MACROD2: variants seen among roughly 807,000 people sequenced by gnomAD.
The protein encoded by MACROD2 is mono-ADP ribosylhydrolase 2.
MACROD2 carries 36 observed loss-of-function variants against 70.4 expected under a neutral mutation model. The ratio of observed to expected loss-of-function variants is 0.51; its 90% CI spans 0.39 to 0.68. MACROD2 has a LOEUF of 0.68. MACROD2 is among the 30% of genes least tolerant of loss of function. MACROD2 has a pLI of 0.00. For synonymous variants in MACROD2, 172 were observed against 178.8 expected, an observed-to-expected ratio of 0.96 and a Z score of 0.30; for missense variants, 496 against 538.4, an observed-to-expected ratio of 0.92 and a Z score of 0.78.
At chr20:14,206,602 A>G (rs1009787637) in intron 3 of MACROD2, among the ~76,000 whole-genome samples, 4 of 149,118 alleles carry the variant, frequency 2.7e-5, no homozygotes, top group Non-Finnish European at 5.9e-5. Flanking sequence ...TGTTTGTTAA[A>G]TTGTATTAAA....
At chr20:14,574,022 C>T (rs984964398) in intron 4 of MACROD2, among the ~76,000 whole-genome samples, 17 of 152,252 alleles carry the variant, frequency 1.1e-4, no homozygotes, top group African/African-American at 3.1e-4. Context: ...TAGCCTTAAC[C>T]ACGTGGAGCT....
At chr20:15,180,338 G>GT (rs1469998433) in intron 5 of MACROD2, among the ~76,000 whole-genome samples, 1 of 152,174 alleles carries the variant, frequency 6.6e-6, no homozygotes, top group African/African-American at 2.4e-5. Flanking sequence ...CAGTCTAATT[G>GT]AATTCGTAGA....
intron 6 of MACROD2, among the ~76,000 whole-genome samples, chr20:15,347,608 C>T (rs1020513036): frequency 1.3e-5 from 2 of 152,200 alleles, no homozygotes; most frequent in African/African-American, 4.8e-5. Flanking sequence ...GCCATTCCTT[C>T]ATGTAGTGGC....
intron 8 of MACROD2, among the ~76,000 whole-genome samples, chr20:15,572,321 C>G (rs2048386971): frequency 6.6e-6 from 1 of 152,032 alleles, no homozygotes; most frequent in African/African-American, 2.4e-5. Flanking sequence ...GTTTTATTCT[C>G]AAATTTGCAA....
intron 6 of MACROD2, among the ~76,000 whole-genome samples, chr20:15,232,951 AC>A (rs2076971672): frequency 6.6e-6 from 1 of 152,100 alleles, no homozygotes; most frequent in Non-Finnish European, 1.5e-5. Context: ...TATGAATAAG[AC>A]CTACTGTGTA....
chr20:15,875,487 G>C (rs962049957), intron 9 of MACROD2, among the ~76,000 whole-genome samples: 1 of 152,016 alleles, frequency 6.6e-6, no homozygotes. Flanking sequence ...TAACATAAAT[G>C]AGTTAACTGC....
intron 5 of MACROD2, among the ~76,000 whole-genome samples, chr20:14,970,418 A>G (rs1188088360): frequency 1.3e-5 from 2 of 152,188 alleles, no homozygotes; most frequent in African/African-American, 4.8e-5. Context: ...TACTTTAAAA[A>G]AGGAAAACAA....
intron 15 of MACROD2, among the ~76,000 whole-genome samples, chr20:16,030,150 C>G (rs1210565590): frequency 1.3e-5 from 2 of 152,184 alleles, no homozygotes; most frequent in East Asian, 3.9e-4. Flanking sequence ...ATTATCCAAG[C>G]CCCAAAGATA....
At chr20:14,424,619 A>G (rs959835322) in intron 3 of MACROD2, among the ~76,000 whole-genome samples, 28 of 152,204 alleles carry the variant, frequency 1.8e-4, no homozygotes, top group Admixed American at 2.0e-4. Context: ...CTGTGATGCA[A>G]TGGAGTCTGA....
chr20:15,836,951 G>T (rs930999615), intron 8 of MACROD2, among the ~76,000 whole-genome samples: 3 of 152,112 alleles, frequency 2.0e-5, no homozygotes, highest in Non-Finnish European at 4.4e-5. Flanking sequence ...ACAAGGAATG[G>T]GCCTTTGGAT....
chr20:14,246,956 C>A (rs922792284), intron 3 of MACROD2, among the ~76,000 whole-genome samples: 1 of 152,054 alleles, frequency 6.6e-6, no homozygotes, highest in African/African-American at 2.4e-5. Context: ...CAGTCTTAAC[C>A]CTACTTGATT....
intron 3 of MACROD2, among the ~76,000 whole-genome samples, chr20:14,409,357 A>G (rs2083724887): frequency 6.6e-6 from 1 of 152,002 alleles, no homozygotes; most frequent in Non-Finnish European, 1.5e-5. Flanking sequence ...ACTAAGTGCC[A>G]GGCACTGTGT....
intron 10 of MACROD2, among the ~76,000 whole-genome samples, chr20:15,901,142 CT>C (rs1458937129): frequency 2.6e-5 from 4 of 152,086 alleles, no homozygotes; most frequent in Non-Finnish European, 5.9e-5. Flanking sequence ...TGTCTCTCTC[CT>C]TTTTCCCTTA....
chr20:14,290,250 A>G (rs2082375361), intron 3 of MACROD2, among the ~76,000 whole-genome samples: 1 of 152,252 alleles, frequency 6.6e-6, no homozygotes, highest in Non-Finnish European at 1.5e-5. Flanking sequence ...AAATCTGCAC[A>G]TATACTTCTC....
chr20:15,976,987 C>T (rs535869006), intron 13 of MACROD2, among the ~76,000 whole-genome samples: 1 of 152,288 alleles, frequency 6.6e-6, no homozygotes, highest in South Asian at 2.1e-4. Flanking sequence ...GTGCCCCAGG[C>T]TCTATTAAAT....
At chr20:15,306,069 G>T (rs1388539602) in intron 6 of MACROD2, among the ~76,000 whole-genome samples, 1 of 152,076 alleles carries the variant, frequency 6.6e-6, no homozygotes, top group African/African-American at 2.4e-5. Context: ...CTAGTTTCCT[G>T]CTGATAGACA....
intron 3 of MACROD2, among the ~76,000 whole-genome samples, chr20:14,356,359 A>G (rs1017421221): frequency 1.3e-5 from 2 of 152,102 alleles, no homozygotes; most frequent in Non-Finnish European, 2.9e-5. Context: ...ATTACCTCAT[A>G]ACAAACCTCC....
At chr20:14,463,936 C>A (rs141361246) in intron 3 of MACROD2, among the ~76,000 whole-genome samples, 1 of 151,402 alleles carries the variant, frequency 6.6e-6, no homozygotes, top group South Asian at 2.1e-4. Context: ...TTTGGTTTGC[C>A]AGTATTTTAT....
chr20:14,322,976 AAC>A (rs2122555342), intron 3 of MACROD2: 1 of 152,274 alleles, frequency 6.6e-6, no homozygotes, highest in South Asian at 2.1e-4. Flanking sequence ...CTGTGTGGAA[AAC>A]ACAAACTCAA....
Sources: gnomAD v4.1 joint callset for allele counts (sites outside exome capture counted in the v4.1 genomes callset) on GRCh38, gnomAD v4.1.1 for gene constraint, MANE v1.5 for transcripts, NCBI Gene and HGNC (gene_info 2026-07-23, HGNC 2026-07-21) for gene names.